RAB11FIP4: variants seen among roughly 807,000 people sequenced by gnomAD.
The protein encoded by RAB11FIP4 is rab11 family-interacting protein 4.
Under a neutral mutation model 74.3 loss-of-function variants are expected in RAB11FIP4, and 23 were observed. The ratio of observed to expected loss-of-function variants is 0.31; its 90% CI spans 0.22 to 0.44. The LOEUF is 0.44. Ranked by LOEUF, RAB11FIP4 falls within the 20% of genes least tolerant of loss-of-function variation. The probability of loss-of-function intolerance (pLI) is 1.00; values close to 1 mark genes in which losing one functional copy is unlikely to be tolerated. For missense variants in RAB11FIP4, 630 were observed against 863.9 expected, an observed-to-expected ratio of 0.73 and a Z score of 3.39; for synonymous variants, 360 against 359.9, an observed-to-expected ratio of 1.00 and a Z score of 0.00.
At chr17:31,417,487 A>G (rs940651775) in intron 1 of RAB11FIP4, among the ~76,000 whole-genome samples, 2 of 152,182 alleles carry the variant, frequency 1.3e-5, no homozygotes, top group Admixed American at 6.5e-5. Flanking sequence ...CAGCATAAAA[A>G]TGCTGGGGAG....
At chr17:31,420,873 C>T (rs995965123) in intron 1 of RAB11FIP4, among the ~76,000 whole-genome samples, 3 of 152,092 alleles carry the variant, frequency 2.0e-5, no homozygotes, top group Middle Eastern at 3.4e-3. Context: ...CACCTGAGGT[C>T]GAGAGTTCAA....
chr17:31,428,270 G>A (rs577155657), intron 1 of RAB11FIP4, among the ~76,000 whole-genome samples: 31 of 152,344 alleles, frequency 2.0e-4, no homozygotes, highest in Non-Finnish European at 3.7e-4. Flanking sequence ...CAGCTGCCAC[G>A]CTGTGGGCAT....
intron 3 of RAB11FIP4, among the ~76,000 whole-genome samples, chr17:31,485,122 C>T (rs1375710637): frequency 5.3e-5 from 8 of 152,218 alleles, no homozygotes; most frequent in Admixed American, 5.2e-4. Context: ...ATTGAAACTT[C>T]ACAACTGCAA....
intron 1 of RAB11FIP4, among the ~76,000 whole-genome samples, chr17:31,419,606 A>C (rs945683623): frequency 6.8e-6 from 1 of 147,712 alleles, no homozygotes; most frequent in African/African-American, 2.5e-5. Flanking sequence ...GCTAGAGTGC[A>C]GTGGGGCGAT....
chr17:31,507,465 A>G (rs1597966578), intron 3 of RAB11FIP4, among the ~76,000 whole-genome samples: 1 of 152,150 alleles, frequency 6.6e-6, no homozygotes, highest in Middle Eastern at 3.4e-3. Context: ...ACATTTTTTC[A>G]TATACCTCTT....
chr17:31,509,841 T>G (rs2072420178), intron 3 of RAB11FIP4, among the ~76,000 whole-genome samples: 1 of 152,072 alleles, frequency 6.6e-6, no homozygotes, highest in Non-Finnish European at 1.5e-5. Flanking sequence ...TGAGGTTGCT[T>G]GTTGTTCAGA....
intron 3 of RAB11FIP4, among the ~76,000 whole-genome samples, chr17:31,445,513 C>T (rs2071442365): frequency 7.7e-6 from 1 of 130,154 alleles, no homozygotes; most frequent in African/African-American, 2.9e-5. Flanking sequence ...GTAAAATCTA[C>T]ATTCAAATTT....
intron 3 of RAB11FIP4, among the ~76,000 whole-genome samples, chr17:31,484,215 C>T (rs1237969878): frequency 6.6e-6 from 1 of 151,764 alleles, no homozygotes; most frequent in South Asian, 2.1e-4. Context: ...GGATTACAAG[C>T]GCTCGCCACT....
At chr17:31,397,411 A>G (rs550205996) in intron 1 of RAB11FIP4, among the ~76,000 whole-genome samples, 1 of 152,318 alleles carries the variant, frequency 6.6e-6, no homozygotes, top group South Asian at 2.1e-4. Flanking sequence ...GAAGGCCGGC[A>G]AAGTCCCAAC....
In RAB11FIP4 at chr17:31,391,709, G is replaced by A. The variant is rs1180820210; in HGVS notation, c.-144G>A. On this transcript the variant is annotated 5_prime_UTR_variant, in exon 1 of 15. Coordinates refer to ENST00000621161, the MANE Select transcript of RAB11FIP4 (RefSeq NM_032932.6). The stretch of plus-strand genomic sequence containing the variant: ...GGGGCTGCGGCGCCGCTGCTGACAC[G>A]GATCGGCCGCGGCCGCCACCGGGCG... 2.0e-6 allele frequency: 1 copy of A among 507,738 alleles called. No individual in the cohort carries two copies. The highest frequency in any genetic ancestry group is 2.5e-6 in the Non-Finnish European group (1 of 396,940). The allele number at this position is 507,738 out of a possible 1,614,324, so 31.5% of individuals were successfully genotyped here. A position where few individuals can be genotyped will look rare whatever the true frequency, so the allele number is the denominator to read the frequency against.
At chr17:31,488,503 G>T (rs79660795) in intron 3 of RAB11FIP4, 113 of 336,970 alleles carry the variant, frequency 3.4e-4, no homozygotes, top group African/African-American at 2.4e-3. Context: ...AAGGGGGCTC[G>T]TCTGCTGGGG....
chr17:31,523,762 C>T, intron 8 of RAB11FIP4, 131 bp from the exon 9 acceptor site: 5 of 990,358 alleles, frequency 5.0e-6, no homozygotes, highest in Non-Finnish European at 6.4e-6. Flanking sequence ...TCCCCACTCC[C>T]CCACCCCACA....
intron 3 of RAB11FIP4, among the ~76,000 whole-genome samples, chr17:31,466,256 A>G (rs1450385773): frequency 1.3e-5 from 2 of 152,106 alleles, no homozygotes; most frequent in African/African-American, 4.8e-5. Context: ...AGACAGTGTC[A>G]TGTTGTGGTT....
chr17:31,522,527 TC>T, intron 7 of RAB11FIP4, 132 bp downstream of exon 7: 1 of 849,138 alleles, frequency 1.2e-6, no homozygotes, highest in Non-Finnish European at 1.9e-6. Context: ...AACGAGGCCA[TC>T]CCAGGGCAGT....
At chr17:31,508,632 C>T (rs1429765303) in intron 3 of RAB11FIP4, among the ~76,000 whole-genome samples, 3 of 152,222 alleles carry the variant, frequency 2.0e-5, no homozygotes, top group African/African-American at 7.2e-5. Context: ...CAGACCCTCC[C>T]TCTTGGTGCT....
intron 3 of RAB11FIP4, among the ~76,000 whole-genome samples, chr17:31,501,286 G>A (rs565327955): frequency 1.4e-4 from 21 of 147,220 alleles, no homozygotes; most frequent in Admixed American, 6.1e-4. Flanking sequence ...ATGGGGTTAC[G>A]TCCTGATAAA....
chr17:31,429,876 G>A (rs1404456759), intron 1 of RAB11FIP4, among the ~76,000 whole-genome samples: 3 of 151,474 alleles, frequency 2.0e-5, no homozygotes, highest in African/African-American at 7.3e-5. Context: ...TTGCCTCCTG[G>A]GATGCTCTTC....
chr17:31,492,236 A>G (rs1260129136), intron 3 of RAB11FIP4, among the ~76,000 whole-genome samples: 2 of 152,166 alleles, frequency 1.3e-5, no homozygotes, highest in Non-Finnish European at 2.9e-5. Context: ...GCAGCAGCAC[A>G]GTTCTATGGG....
At chr17:31,525,527 C>T (rs1325992691) in intron 10 of RAB11FIP4, 2 of 393,180 alleles carry the variant, frequency 5.1e-6, no homozygotes, top group African/African-American at 4.2e-5. Context: ...GCCTGGAGCG[C>T]CCCCTGCTGT....
Sources: allele counts gnomAD v4.1 joint callset (sites outside exome capture counted in the v4.1 genomes callset), GRCh38; gene constraint gnomAD v4.1.1; transcripts MANE v1.5; gene names NCBI Gene and HGNC (gene_info 2026-07-23, HGNC 2026-07-21).